Variants in PHF23 observed in about 807,000 individuals in gnomAD.
PHF23 encodes the protein PHD finger protein 23, also known as PDH-containing protein JUNE-1.
PHF23 carries 3 observed loss-of-function variants against 36.0 expected under a neutral mutation model. That is an observed-to-expected ratio of 0.08 (90% CI 0.04 to 0.22). The LOEUF (loss-of-function observed/expected upper bound fraction) is 0.22. Ranked by LOEUF, PHF23 falls within the 10% of genes least tolerant of loss-of-function variation. The pLI is 1.00. For synonymous variants in PHF23, 242 were observed against 192.5 expected (o/e 1.26, Z -2.13); for missense variants, 475 against 513.6 (o/e 0.92, Z 0.73).
Position 7,237,485 on chromosome 17 carries a change from G to T in PHF23, c.67-8C>A, listed in dbSNP as rs1451017563. The T allele has an allele frequency of 1.9e-6, 3 of 1,613,354 alleles. No individual in the cohort carries two copies. The highest frequency in any genetic ancestry group is 1.7e-6 in the Non-Finnish European group (2 of 1,179,482). On this transcript the variant is annotated splice_polypyrimidine_tract_variant and splice_region_variant and intron_variant, in intron 2 of 4. Transcript: ENST00000320316. ...CCGCCGTTTCTCTGGTGGCTGAAAG[G>T]AAGGAGATATGGATCACATGCAAAG...
intron 1 of PHF23, chr17:7,238,794 C>T (rs1031209908): frequency 1.1e-5 from 17 of 1,534,478 alleles, no homozygotes; most frequent in Non-Finnish European, 1.4e-5. Flanking sequence ...ACCTCTCCGA[C>T]AATCACCGGG....
Position 7,239,424 on chromosome 17 carries a change from G to A in PHF23, c.-145C>T. The A allele has an allele frequency of 2.1e-6, 1 of 476,582 alleles. No individual in the cohort carries two copies. The highest frequency in any genetic ancestry group is 2.4e-5 in the South Asian group (1 of 41,596). 29.5% of individuals were successfully genotyped at this position (476,582 alleles called of 1,614,324 possible). On this transcript the variant is annotated 5_prime_UTR_variant, in exon 1 of 5. Transcript: ENST00000320316. ...TTGAGACTCGAGTCCGCTAGCCGCT[G>A]CCGCCACCTCCCTCTACCACTGCCT...
upstream of PHF23, chr17:7,240,728 C>A: frequency 1.4e-6 from 1 of 694,300 alleles, no homozygotes. Flanking sequence ...AAGCCACAAA[C>A]ATTAAGAAGT....
chr17:7,239,190 T>C, intron 1 of PHF23, 56 bp downstream of exon 1: 1 of 1,275,436 alleles, frequency 7.8e-7, no homozygotes, highest in East Asian at 2.6e-5. Context: ...AGTTTGCCAA[T>C]TGATTCCTCG....
At chr17:7,240,826 AC>A (rs774769167), upstream of PHF23, 6 of 1,523,054 alleles carry the variant, frequency 3.9e-6, no homozygotes, top group East Asian at 2.3e-5. Context: ...GTAGAATGAG[AC>A]CCCCCTCCAG....
upstream of PHF23, chr17:7,240,758 G>A (rs1177788018): frequency 1.3e-6 from 1 of 794,116 alleles, no homozygotes; most frequent in African/African-American, 1.7e-5. Context: ...GAATAAGGGA[G>A]GTGGTGTTTG....
upstream of PHF23, chr17:7,240,648 G>A: frequency 1.8e-6 from 1 of 547,976 alleles, no homozygotes; most frequent in South Asian, 2.2e-5. Context: ...AGAGAAAGGG[G>A]AAGAAAGGAG....
In PHF23 at chr17:7,236,703, T is replaced by C; in HGVS notation, c.224A>G (p.Asp75Gly). The stretch of plus-strand genomic sequence containing the variant: ...ATCTGAGGGGGCCGAGTCCCAGCCA[T>C]CACTGTCGGCCGCACTCTCTCCTCG... Reference protein sequence around the residue: ...PLRGESAADSDGWDSAPSDLR... With the variant: ...PLRGESAADSGGWDSAPSDLR... The change falls in exon 4 of 5, where the codon GAT becomes GGT. Residue 75 changes from aspartate (D) to glycine (G), a missense_variant. Physicochemically the swap from Asp to Gly is moderately conservative, Grantham distance 94. Transcript: ENST00000320316. This position sits in a 1 kb window ranked among gnomAD's most constrained non-coding sequence, Gnocchi z 5.1. 1 of 1,613,936 alleles carries C rather than the reference T, an allele frequency of 6.2e-7. No individual in the cohort carries two copies. The highest frequency in any genetic ancestry group is 8.5e-7 in the Non-Finnish European group (1 of 1,180,004).
chr17:7,237,990 C>T, intron 1 of PHF23: 1 of 274,788 alleles, frequency 3.6e-6, no homozygotes, highest in Non-Finnish European at 6.8e-6. Context: ...CTCCCGGGGC[C>T]GCGTCCGGGC....
Position 7,236,311 on chromosome 17 carries a change from G to A in PHF23, c.616C>T (p.Pro206Ser), listed in dbSNP as rs746048986. Residue 206 changes from proline (P) to serine (S), a missense_variant, in exon 4 of 5, where the codon CCT (proline) becomes TCT (serine). Pro to Ser is a moderately conservative substitution (Grantham distance 74, BLOSUM62 -1). Coordinates refer to ENST00000320316, the MANE Select transcript of PHF23 (RefSeq NM_024297.3). The surrounding 1 kb of genome is among the most constrained non-coding windows in gnomAD (Gnocchi z 5.1). ...CGAGATCTCTTTTCCCCATCCCCAG[G>A]AGTTGGCCGAGGCCTCCGAAGCACC... Reference protein sequence around the residue: ...FGVLRRPRPTPGDGEKRSRIK... With the variant: ...FGVLRRPRPTSGDGEKRSRIK... 6.2e-7 allele frequency: 1 copy of A among 1,614,022 alleles called. No individual in the cohort carries two copies. The highest frequency in any genetic ancestry group is 8.5e-7 in the Non-Finnish European group (1 of 1,179,992).
Position 7,236,255 on chromosome 17 carries a change from T to G in PHF23, c.672A>C (p.Lys224Asn), listed in dbSNP as rs780986951. 2.5e-6 allele frequency: 4 copies of G among 1,613,650 alleles called. No individual in the cohort carries two copies. ...GGAGTCTATCCCCCCGTTCTGCCTT[T>G]TTTAACTTCCGCTTCTTGCTCTTCT... Reference protein sequence around the residue: ...RIKKSKKRKLKKAERGDRLPP... With the variant: ...RIKKSKKRKLNKAERGDRLPP... The change falls in exon 4 of 5, where the codon AAA becomes AAC. Residue 224 changes from lysine (K) to asparagine (N), a missense_variant. Around this residue, in one of 5 missense-constraint regions of PHF23, gnomAD observed 350 missense variants for 319.8 expected, o/e 1.09. Transcript: ENST00000320316. The surrounding 1 kb of genome is among the most constrained non-coding windows in gnomAD (Gnocchi z 5.1).
chr17:7,238,668 CAACTA>C, intron 1 of PHF23: 1 of 990,816 alleles, frequency 1.0e-6, no homozygotes, highest in African/African-American at 2.5e-5. Flanking sequence ...CCACCCCCTA[CAACTA>C]CCCAGCTCGC....
chr17:7,236,561 G>C lies in PHF23; in HGVS notation c.366C>G (p.Pro122=). Residue 122 remains proline, a synonymous_variant, in exon 4 of 5, where the codon CCC becomes CCG. Coordinates refer to ENST00000320316, the MANE Select transcript of PHF23 (RefSeq NM_024297.3). The surrounding 1 kb of genome is among the most constrained non-coding windows in gnomAD (Gnocchi z 5.1). The part of the protein sequence containing the change: ...PRSTFSRLQA[P]DSATLLEKMK... ...TCTTCTCAAGCAAGGTAGCACTGTC[G>C]GGGGCCTGCAGACGAGAGAAAGTGG... The C allele has an allele frequency of 1.2e-6, 2 of 1,614,150 alleles. No homozygotes were observed. Among genetic ancestry groups the C allele is most frequent in the Non-Finnish European group, 1.7e-6 (2 of 1,180,032 alleles).
chr17:7,235,122 G>C lies in PHF23; in HGVS notation c.*504C>G, dbSNP rs957657772. 5.6e-6 allele frequency: 1 copy of C among 177,058 alleles called. No individual in the cohort carries two copies. Among genetic ancestry groups the C allele is most frequent in the African/African-American group, 2.4e-5 (1 of 41,880 alleles). 11.0% of individuals were successfully genotyped at this position (177,058 alleles called of 1,614,324 possible). ...ATTATTAAAAACAAAAGAGGTGAGT[G>C]AGAATCGTCACCTTTCTGCTTTCCT... On this transcript the variant is annotated 3_prime_UTR_variant, in exon 5 of 5. Coordinates refer to ENST00000320316, the MANE Select transcript of PHF23 (RefSeq NM_024297.3).
Position 7,239,317 on chromosome 17 carries a change from C to G in PHF23, c.-38G>C. On this transcript the variant is annotated 5_prime_UTR_variant, in exon 1 of 5. Coordinates refer to ENST00000320316, the MANE Select transcript of PHF23 (RefSeq NM_024297.3). ...TCCTCCCGGTCCGGCGCCCCCCTCC[C>G]CGGAGCCGGGGATCCCGGTGCCGCC... 1 of 1,154,214 alleles carries G rather than the reference C, an allele frequency of 8.7e-7. No individual in the cohort carries two copies. The highest frequency in any genetic ancestry group is 1.9e-4 in the Middle Eastern group (1 of 5,210). 71.5% of individuals were successfully genotyped at this position (1,154,214 alleles called of 1,614,324 possible).
At position 7,239,353 on chromosome 17, in the gene PHF23, G is replaced by A. The variant is rs974751243; in HGVS notation, c.-74C>T. On this transcript the variant is annotated 5_prime_UTR_variant, in exon 1 of 5. Transcript: ENST00000320316. ...GATCCCGGTGCCGCCTCTAGTGCTC[G>A]ATGCTCCCACTGCTTCGCTCCACAG... The A allele has an allele frequency of 4.0e-6, 3 of 758,120 alleles. No individual in the cohort carries two copies. The highest frequency in any genetic ancestry group is 2.1e-5 in the Admixed American group (1 of 48,538). The allele number at this position is 758,120 out of a possible 1,614,324, so 47.0% of individuals were successfully genotyped here. A position where few individuals can be genotyped will look rare whatever the true frequency, so the allele number is the denominator to read the frequency against.
intron 3 of PHF23, 133 bp downstream of exon 3, chr17:7,237,252 G>C (rs1446120700): frequency 1.2e-6 from 1 of 828,410 alleles, no homozygotes; most frequent in Admixed American, 2.3e-5. Context: ...AGCCCTAAGA[G>C]TCTCCAACTT....
At chr17:7,237,030 C>T (rs138433441) in intron 3 of PHF23, among the ~76,000 whole-genome samples, 180 of 152,282 alleles carry the variant, frequency 1.2e-3, no homozygotes, top group African/African-American at 3.9e-3. Flanking sequence ...TCACCCAGAC[C>T]GGAGCCGTTA....
chr17:7,239,479 C>G (rs982758654), upstream of PHF23: 7 of 473,430 alleles, frequency 1.5e-5, no homozygotes, highest in Admixed American at 7.8e-5. Flanking sequence ...CCCCCTCCCC[C>G]CGCGCCGCCG....
Sources: allele counts gnomAD v4.1 joint callset (sites outside exome capture counted in the v4.1 genomes callset), GRCh38; gene constraint gnomAD v4.1.1; regional missense constraint gnomAD v4.1.1; non-coding constraint Gnocchi (gnomAD v3.1); transcripts MANE v1.5; gene names NCBI Gene and HGNC (gene_info 2026-07-23, HGNC 2026-07-21).